Variants in BABAM2 observed in about 807,000 individuals in gnomAD.
BABAM2 encodes BRISC and BRCA1 A complex member 2.
In BABAM2, 31 loss-of-function variants were observed where a neutral mutation model predicts 54.7. The ratio of observed to expected loss-of-function variants is 0.57; its 90% confidence interval spans 0.43 to 0.77. The LOEUF (loss-of-function observed/expected upper bound fraction) is 0.77. BABAM2 is among the 30% of genes least tolerant of loss of function. The pLI is 0.00. For missense variants in BABAM2, 364 were observed against 455.8 expected, an observed-to-expected ratio of 0.80 and a Z score of 1.83; for synonymous variants, 167 against 162.9, an observed-to-expected ratio of 1.03 and a Z score of -0.19.
At chr2:28,241,882 T>C (rs1268308131) in intron 9 of BABAM2, among the ~76,000 whole-genome samples, 3 of 143,784 alleles carry the variant, frequency 2.1e-5, no homozygotes, top group African/African-American at 5.2e-5. Context: ...TTTTTTTTTT[T>C]TCGGTACTCT....
intron 4 of BABAM2, among the ~76,000 whole-genome samples, chr2:27,993,497 T>G (rs1672920027): frequency 6.6e-6 from 1 of 152,168 alleles, no homozygotes; most frequent in Non-Finnish European, 1.5e-5. Context: ...TGCAACACCC[T>G]GTGGTATGTT....
intron 6 of BABAM2, among the ~76,000 whole-genome samples, chr2:28,074,561 G>T (rs1664478393): frequency 6.6e-6 from 1 of 152,144 alleles, no homozygotes; most frequent in East Asian, 1.9e-4. Context: ...GTATGTTTGT[G>T]AATAAAACAG....
chr2:28,023,147 G>A (rs913593871), intron 4 of BABAM2, among the ~76,000 whole-genome samples: 6 of 152,112 alleles, frequency 3.9e-5, no homozygotes, highest in Non-Finnish European at 7.4e-5. Context: ...CCATTTGTTT[G>A]AATCACTTGA....
At position 28,002,060 on chromosome 2, in the gene BABAM2, TAA is replaced by T. The variant is rs5830060; in HGVS notation, c.300+13988_300+13989del. Among the ~76,000 whole-genome samples the T allele has an allele frequency of 4.0e-3, 565 of 140,028 alleles. 2 individuals are homozygous for T. Among genetic ancestry groups the T allele is most frequent in the African/African-American group, 8.6e-3 (321 of 37,206 alleles). 91.9% of individuals were successfully genotyped at this position (140,028 alleles called of 152,430 possible). On this transcript the variant is annotated intron_variant, in intron 4 of 11. Coordinates refer to ENST00000379624, the MANE Select transcript of BABAM2 (RefSeq NM_199191.3). The stretch of plus-strand genomic sequence containing the variant: ...GTGACAGAAAATACAATCAAACAGG[TAA>T]AAAAAAAAAAAAAAGGAATTTATTG...
At chr2:28,252,173 T>A (rs555838792) in intron 10 of BABAM2, among the ~76,000 whole-genome samples, 12 of 143,058 alleles carry the variant, frequency 8.4e-5, no homozygotes, top group Non-Finnish European at 1.5e-4. Context: ...GCAAGAGGAG[T>A]GAAACTCCAT....
At chr2:27,911,470 G>A (rs961151737) in intron 2 of BABAM2, among the ~76,000 whole-genome samples, 2 of 151,898 alleles carry the variant, frequency 1.3e-5, no homozygotes, top group Non-Finnish European at 2.9e-5. Flanking sequence ...GACAGAGAAA[G>A]GACAATAAGG....
intron 6 of BABAM2, among the ~76,000 whole-genome samples, chr2:28,096,193 T>C (rs542576344): frequency 9.9e-5 from 15 of 152,222 alleles, no homozygotes; most frequent in South Asian, 8.3e-4. Flanking sequence ...GCAGGATAGA[T>C]GGGGCCTAAC....
At chr2:28,167,530 C>A (rs1441115615) in intron 7 of BABAM2, among the ~76,000 whole-genome samples, 3 of 151,796 alleles carry the variant, frequency 2.0e-5, no homozygotes, top group Non-Finnish European at 4.4e-5. Flanking sequence ...CCCGTCTCTA[C>A]CAAAAATACA....
At chr2:27,963,469 CAAAAAAAAAAAAA>C (rs760525051) in intron 3 of BABAM2, among the ~76,000 whole-genome samples, 3 of 54,402 alleles carry the variant, frequency 5.5e-5, no homozygotes, top group Non-Finnish European at 7.6e-5. Context: ...GACTCTTTCT[CAAAAAAAAAAAAA>C]AAAAAAAAAA....
chr2:28,068,020 T>C (rs893238325), intron 6 of BABAM2, among the ~76,000 whole-genome samples: 1 of 152,048 alleles, frequency 6.6e-6, no homozygotes, highest in African/African-American at 2.4e-5. Flanking sequence ...TTACATTATT[T>C]GAGTGGACCT....
intron 2 of BABAM2, among the ~76,000 whole-genome samples, chr2:27,927,084 C>G (rs1346241925): frequency 6.6e-6 from 1 of 152,120 alleles, no homozygotes; most frequent in Non-Finnish European, 1.5e-5. Flanking sequence ...CTTCCTATCC[C>G]CCTTAGAAAT....
At chr2:28,209,663 C>T (rs1299870709) in intron 7 of BABAM2, among the ~76,000 whole-genome samples, 1 of 152,118 alleles carries the variant, frequency 6.6e-6, no homozygotes, top group Non-Finnish European at 1.5e-5. Flanking sequence ...GTCAGACACT[C>T]GTCCAGCCAT....
intron 6 of BABAM2, among the ~76,000 whole-genome samples, chr2:28,075,411 C>T (rs192784406): frequency 3.3e-5 from 5 of 152,214 alleles, no homozygotes; most frequent in East Asian, 3.9e-4. Context: ...AACAGTGGCT[C>T]CCAATACATA....
At chr2:28,272,802 A>C (rs1273213782) in intron 10 of BABAM2, among the ~76,000 whole-genome samples, 1 of 152,156 alleles carries the variant, frequency 6.6e-6, no homozygotes, top group African/African-American at 2.4e-5. Context: ...TTCTGTGGGA[A>C]TCAGAAGGGA....
At chr2:28,183,739 T>TCTCTCTCA (rs1553336494) in intron 7 of BABAM2, among the ~76,000 whole-genome samples, 4 of 133,218 alleles carry the variant, frequency 3.0e-5, no homozygotes, top group East Asian at 2.2e-4. Context: ...TGGATGAAGA[T>TCTCTCTCA]CACACACACA....
At chr2:28,305,034 C>G (rs1186129423) in intron 11 of BABAM2, among the ~76,000 whole-genome samples, 1 of 152,186 alleles carries the variant, frequency 6.6e-6, no homozygotes, top group East Asian at 1.9e-4. Flanking sequence ...TTCTTTCCTT[C>G]CAATCTTTAT....
At chr2:28,074,736 C>T (rs374115913) in intron 6 of BABAM2, among the ~76,000 whole-genome samples, 3 of 152,090 alleles carry the variant, frequency 2.0e-5, no homozygotes, top group Non-Finnish European at 2.9e-5. Context: ...GCGTGAAGTA[C>T]GTATGGGACA....
intron 7 of BABAM2, among the ~76,000 whole-genome samples, chr2:28,168,971 C>T (rs1674025490): frequency 1.3e-5 from 2 of 152,220 alleles, no homozygotes; most frequent in African/African-American, 4.8e-5. Context: ...GTAGCCTCTT[C>T]TCCTGTGATC....
At chr2:28,125,583 G>A (rs988998513) in intron 6 of BABAM2, among the ~76,000 whole-genome samples, 5 of 152,112 alleles carry the variant, frequency 3.3e-5, no homozygotes, top group East Asian at 1.9e-4. Flanking sequence ...GTGAGCCACC[G>A]CGCCCGGCCT....
Sources: gnomAD v4.1 joint callset for allele counts (sites outside exome capture counted in the v4.1 genomes callset) on GRCh38, gnomAD v4.1.1 for gene constraint, MANE v1.5 for transcripts, NCBI Gene and HGNC (gene_info 2026-07-23, HGNC 2026-07-21) for gene names.